Variants in APTX observed in about 807,000 individuals in gnomAD.
APTX encodes forkhead-associated domain histidine triad-like protein.
APTX carries 33 observed loss-of-function variants against 42.3 expected under a neutral mutation model. The observed-to-expected ratio is 0.78, with a 90% CI of 0.59 to 1.04. APTX has a LOEUF of 1.04. Ranked by LOEUF, APTX falls within the 50% of genes least tolerant of loss-of-function variation. The pLI is 0.00. For missense variants in APTX, 421 were observed against 415.1 expected (o/e 1.01, Z -0.12); for synonymous variants, 130 against 146.7 (o/e 0.89, Z 0.82).
At chr9:32,983,873 T>C (rs1259029083) in intron 6 of APTX, among the ~76,000 whole-genome samples, 1 of 152,160 alleles carries the variant, frequency 6.6e-6, no homozygotes, top group East Asian at 1.9e-4. Flanking sequence ...AGAGTTATTA[T>C]TTAAGGTACA....
chr9:33,019,943 G>C, intron 1 of APTX: 1 of 474,448 alleles, frequency 2.1e-6, no homozygotes, highest in Non-Finnish European at 3.9e-6. Flanking sequence ...CACGCTGAGG[G>C]TGAATATGTG....
Position 32,973,555 on chromosome 9 carries a change from C to T in APTX, c.972G>A (p.Gln324=). The T allele has an allele frequency of 1.2e-6, 2 of 1,614,104 alleles. No individual in the cohort carries two copies. Among genetic ancestry groups the T allele is most frequent in the South Asian group, 2.2e-5 (2 of 91,078 alleles). Residue 324 remains glutamine (Q), a synonymous_variant, in exon 8 of 8, where the codon CAG becomes CAA. Transcript: ENST00000379817. ...TCAGCTGAGGAATGGAAGGCAGCAG[C>T]TGCTGGCACTCATGACAACGAAGGG... ...KLPLRCHECQ[Q]LLPSIPQLKE... is the part of the protein sequence containing the mutation.
intron 4 of APTX, 37 bp from the exon 5 acceptor site, chr9:32,986,067 A>AC: frequency 1.3e-6 from 2 of 1,501,322 alleles, no homozygotes; most frequent in Non-Finnish European, 1.8e-6. Flanking sequence ...AAAAAAAAAA[A>AC]AAACAAGCAA....
intron 1 of APTX, among the ~76,000 whole-genome samples, chr9:33,014,010 A>G (rs1230220573): frequency 6.6e-6 from 1 of 152,208 alleles, no homozygotes; most frequent in Non-Finnish European, 1.5e-5. Context: ...CAATATCCCA[A>G]CAGGAGTGTA....
chr9:33,020,026 C>G, intron 1 of APTX: 1 of 401,308 alleles, frequency 2.5e-6, no homozygotes, highest in South Asian at 1.1e-4. Flanking sequence ...TGGGGGAGCT[C>G]CGCTGGCCGG....
At chr9:32,989,976 G>C in intron 1 of APTX, 81 bp from the exon 2 acceptor site, 1 of 1,523,034 alleles carries the variant, frequency 6.6e-7, no homozygotes, top group Non-Finnish European at 8.9e-7. Context: ...GTGCCACCAC[G>C]CATGTGATCT....
At chr9:32,975,966 C>T (rs1375571383) in intron 6 of APTX, among the ~76,000 whole-genome samples, 1 of 152,140 alleles carries the variant, frequency 6.6e-6, no homozygotes, top group East Asian at 1.9e-4. Context: ...ATGTAGACTG[C>T]AGCAGTGGCC....
chr9:32,976,351 A>G (rs1481368350), intron 6 of APTX, among the ~76,000 whole-genome samples: 1 of 152,212 alleles, frequency 6.6e-6, no homozygotes, highest in Non-Finnish European at 1.5e-5. Flanking sequence ...CCTGTTGTGC[A>G]CATGGACCCT....
chr9:33,012,357 T>C (rs1837600345), intron 1 of APTX, among the ~76,000 whole-genome samples: 1 of 152,148 alleles, frequency 6.6e-6, no homozygotes, highest in Admixed American at 6.6e-5. Flanking sequence ...TGGTAGCCAA[T>C]TACTTTAGTA....
At chr9:33,014,382 A>T (rs945520660) in intron 1 of APTX, among the ~76,000 whole-genome samples, 1 of 152,264 alleles carries the variant, frequency 6.6e-6, no homozygotes, top group African/African-American at 2.4e-5. Flanking sequence ...AGTTTATTAG[A>T]AATCATGGTA....
chr9:33,019,559 G>GAA (rs1444715687), intron 1 of APTX: 7 of 347,320 alleles, frequency 2.0e-5, no homozygotes, highest in Admixed American at 1.4e-4. Flanking sequence ...AGGGACCCCT[G>GAA]AGCACACAAA....
chr9:33,011,938 C>T (rs959699355), intron 1 of APTX, among the ~76,000 whole-genome samples: 5 of 152,194 alleles, frequency 3.3e-5, no homozygotes, highest in African/African-American at 7.2e-5. Flanking sequence ...TCAGACTGGA[C>T]GTCCAGTGGC....
intron 6 of APTX, among the ~76,000 whole-genome samples, chr9:32,981,927 T>C (rs10971264): frequency 0.07 from 10,705 of 152,076 alleles, 507 homozygotes; most frequent in Non-Finnish European, 0.11. Flanking sequence ...GCTAAAATCA[T>C]TGGGTGCGAG....
At chr9:32,999,060 A>T (rs1365455323) in intron 1 of APTX, among the ~76,000 whole-genome samples, 1 of 152,216 alleles carries the variant, frequency 6.6e-6, no homozygotes, top group Non-Finnish European at 1.5e-5. Flanking sequence ...AAAACAATTT[A>T]TCTGTCTTGT....
Position 32,973,625 on chromosome 9 carries a change from C to T in APTX, c.902G>A (p.Gly301Asp), listed in dbSNP as rs1828577602. 1 of 1,613,300 alleles carries T rather than the reference C, an allele frequency of 6.2e-7. No homozygotes were observed. Among genetic ancestry groups the T allele is most frequent in the Non-Finnish European group, 8.5e-7 (1 of 1,179,948 alleles). The stretch of plus-strand genomic sequence containing the variant: ...CATCCCATCTCGGACAGTTACTCTA[C>T]CAGCCTCTTGTACCATCTCGATCAC... ...QAVIEMVQEA[G>D]RVTVRDGMPE... The change falls in exon 8 of 8, where the codon GGT (glycine) becomes GAT (aspartate). Residue 301 changes from glycine (G) to aspartate (D), a missense_variant. Transcript: ENST00000379817.
chr9:33,012,950 T>C (rs535957436), intron 1 of APTX, among the ~76,000 whole-genome samples: 31 of 152,322 alleles, frequency 2.0e-4, no homozygotes, highest in African/African-American at 7.2e-4. Context: ...TGTGTAAATG[T>C]TAATGTCTGT....
At chr9:32,999,140 G>A (rs1163060937) in intron 1 of APTX, among the ~76,000 whole-genome samples, 11 of 152,188 alleles carry the variant, frequency 7.2e-5, no homozygotes, top group African/African-American at 2.7e-4. Context: ...AAGCAAAGAA[G>A]AAGGGAGTAA....
chr9:33,024,464 G>A (rs780976583), intron 1 of APTX, among the ~76,000 whole-genome samples: 19 of 152,192 alleles, frequency 1.2e-4, no homozygotes, highest in Non-Finnish European at 2.6e-4. Context: ...TGACCCGTAG[G>A]ATTTAAAAGT....
At chr9:32,985,339 T>TG (rs1330677607) in intron 5 of APTX, among the ~76,000 whole-genome samples, 1 of 148,056 alleles carries the variant, frequency 6.8e-6, no homozygotes, top group African/African-American at 2.5e-5. Context: ...TTTTTTTTTT[T>TG]TTTTTTTTTT....
Sources: allele counts gnomAD v4.1 joint callset (sites outside exome capture counted in the v4.1 genomes callset), GRCh38; gene constraint gnomAD v4.1.1; transcripts MANE v1.5; gene names NCBI Gene and HGNC (gene_info 2026-07-23, HGNC 2026-07-21).